Variants in TENT4B observed in about 807,000 individuals in gnomAD.
TENT4B encodes terminal nucleotidyltransferase 4B, also known as PAP associated domain containing 5.
A neutral mutation model predicts 75.0 loss-of-function variants in TENT4B; 10 were observed. The ratio of observed to expected loss-of-function variants is 0.13; its 90% confidence interval spans 0.08 to 0.23. The LOEUF (loss-of-function observed/expected upper bound fraction) is 0.23, where lower values mean the gene tolerates loss of function less well. TENT4B is among the 10% of genes least tolerant of loss of function. TENT4B has a pLI of 1.00. For synonymous variants in TENT4B, 350 were observed against 357.7 expected (o/e 0.98, Z 0.24); for missense variants, 579 against 893.8 (o/e 0.65, Z 4.49).
chr16:50,196,774 A>G (rs901715247), intron 1 of TENT4B, among the ~76,000 whole-genome samples: 2 of 151,890 alleles, frequency 1.3e-5, no homozygotes, highest in African/African-American at 4.8e-5. Context: ...AAAAAAAAAA[A>G]AAATAGACAA....
intron 1 of TENT4B, among the ~76,000 whole-genome samples, chr16:50,161,992 A>T (rs2038011766): frequency 6.6e-6 from 1 of 152,096 alleles, no homozygotes; most frequent in Non-Finnish European, 1.5e-5. Flanking sequence ...TCCAGCAACC[A>T]CTAATCTGTT....
chr16:50,179,593 C>G (rs2038373921), intron 1 of TENT4B, among the ~76,000 whole-genome samples: 1 of 152,170 alleles, frequency 6.6e-6, no homozygotes, highest in African/African-American at 2.4e-5. Context: ...GTAAGGACCA[C>G]TCTGCTTATT....
chr16:50,153,840 C>T lies in TENT4B; in HGVS notation c.219C>T (p.Ala73=). The T allele has an allele frequency of 7.8e-7, 1 of 1,274,466 alleles. No individual in the cohort carries two copies. The highest frequency in any genetic ancestry group is 9.8e-7 in the Non-Finnish European group (1 of 1,015,978). 78.9% of individuals were successfully genotyped at this position (1,274,466 alleles called of 1,614,324 possible). ...GSSTGSPGGA[A]SAPAPAPAGM... ...GCACCGGCAGCCCCGGCGGCGCGGC[C>T]TCGGCCCCGGCCCCGGCCCCGGCCG... The change falls in exon 1 of 12, where the codon GCC becomes GCT. Residue 73 remains alanine, a synonymous_variant. Coordinates refer to ENST00000561678, the MANE Select transcript of TENT4B (RefSeq NM_001365324.3).
In TENT4B at chr16:50,216,343, T is replaced by A. The variant is rs1033776417; in HGVS notation, c.930+148T>A. ...CACCGTGCTTGCACATAAAAAGTTT[T>A]CTGGTTGTCCACACTGGAGTGTGAC... On this transcript the variant is annotated intron_variant, in intron 4 of 11. Transcript: ENST00000561678. 5 of 1,034,020 alleles carry A rather than the reference T, an allele frequency of 4.8e-6. No homozygotes were observed. The Admixed American group carries it at 9.5e-5, about 20-fold the overall frequency. 64.1% of individuals were successfully genotyped at this position (1,034,020 alleles called of 1,614,324 possible).
intron 1 of TENT4B, among the ~76,000 whole-genome samples, chr16:50,168,677 G>A (rs541720317): frequency 1.2e-3 from 185 of 149,358 alleles, no homozygotes; most frequent in African/African-American, 4.3e-3. Flanking sequence ...ACAGAGTCTC[G>A]CTCTGTCACC....
intron 1 of TENT4B, among the ~76,000 whole-genome samples, chr16:50,159,351 TCTC>T (rs1183595153): frequency 6.6e-6 from 1 of 151,722 alleles, no homozygotes; most frequent in East Asian, 1.9e-4. Flanking sequence ...TTCAAGCAAT[TCTC>T]CTGCCTCAGC....
In TENT4B at chr16:50,225,156, A is replaced by C. The variant is rs1437435571; in HGVS notation, c.1671A>C (p.Leu557=). 1 of 1,613,458 alleles carries C rather than the reference A, an allele frequency of 6.2e-7. No individual in the cohort carries two copies. Among genetic ancestry groups the C allele is most frequent in the African/African-American group, 1.3e-5 (1 of 75,056 alleles). ...TQQLDKCNNN[L]SEENEALGKC... is the part of the protein sequence containing the mutation. Reference sequence around the variant, plus strand: ...AGTTAGATAAATGTAATAATAATCTATCTGAAGAAAATGAAGCCCTTGGAA... The same window carrying C: ...AGTTAGATAAATGTAATAATAATCTCTCTGAAGAAAATGAAGCCCTTGGAA... The change falls in exon 10 of 12, where the codon CTA becomes CTC. Residue 557 remains leucine (L), a synonymous_variant. Coordinates refer to ENST00000561678, the MANE Select transcript of TENT4B (RefSeq NM_001365324.3).
intron 1 of TENT4B, among the ~76,000 whole-genome samples, chr16:50,160,883 C>G (rs891471521): frequency 6.6e-6 from 1 of 152,210 alleles, no homozygotes; most frequent in African/African-American, 2.4e-5. Flanking sequence ...ATCACACCCA[C>G]AACACTAGAG....
chr16:50,231,659 T>C lies in TENT4B; in HGVS notation c.*2331T>C. 1 of 985,872 alleles carries C rather than the reference T, an allele frequency of 1.0e-6. No homozygotes were observed. Among genetic ancestry groups the C allele is most frequent in the Non-Finnish European group, 1.2e-6 (1 of 829,926 alleles). 61.1% of individuals were successfully genotyped at this position (985,872 alleles called of 1,614,324 possible). A position where few individuals can be genotyped will look rare whatever the true frequency, so the allele number is the denominator to read the frequency against. ...GTTTTTCCTGTACTGCTGAAGTTTCTTTTTGGTAAACAGTATCTTTCTAAA... is the reference window on the plus strand; with the variant it reads ...GTTTTTCCTGTACTGCTGAAGTTTCCTTTTGGTAAACAGTATCTTTCTAAA... On this transcript the variant is annotated 3_prime_UTR_variant, in exon 12 of 12. Transcript: ENST00000561678.
intron 5 of TENT4B, among the ~76,000 whole-genome samples, chr16:50,218,202 G>A (rs778388950): frequency 1.3e-5 from 2 of 152,148 alleles, no homozygotes; most frequent in Non-Finnish European, 2.9e-5. Flanking sequence ...CTTCCTTGTA[G>A]AGACAGAAGA....
intron 1 of TENT4B, among the ~76,000 whole-genome samples, chr16:50,156,064 A>G (rs1350783994): frequency 6.6e-6 from 1 of 152,084 alleles, no homozygotes; most frequent in Non-Finnish European, 1.5e-5. Context: ...CCTGATTCAA[A>G]TATATTGCCC....
intron 11 of TENT4B, among the ~76,000 whole-genome samples, chr16:50,228,769 C>T (rs1459671297): frequency 6.6e-6 from 1 of 152,184 alleles, no homozygotes; most frequent in Non-Finnish European, 1.5e-5. Flanking sequence ...CCATGAGTAG[C>T]AGGAAGGGAG....
At chr16:50,223,943 G>T (rs954266425) in intron 7 of TENT4B, among the ~76,000 whole-genome samples, 1 of 152,044 alleles carries the variant, frequency 6.6e-6, no homozygotes, top group Non-Finnish European at 1.5e-5. Flanking sequence ...CTGAAGTTCT[G>T]TTTGCTTGCT....
chr16:50,200,163 C>T lies in TENT4B; in HGVS notation c.639-11160C>T, dbSNP rs559268883. On this transcript the variant is annotated intron_variant, in intron 1 of 11. Coordinates refer to ENST00000561678, the MANE Select transcript of TENT4B (RefSeq NM_001365324.3). ...GGAGGATCCCTTGAAGCCAGGAGTT[C>T]GAGACTAGCCTGGGCAACATAGTGA... Among the ~76,000 whole-genome samples, 288 of 151,970 alleles carry T rather than the reference C, an allele frequency of 1.9e-3. 2 individuals are homozygous for T. Among genetic ancestry groups the T allele is most frequent in the African/African-American group, 5.9e-3 (246 of 41,486 alleles).
intron 1 of TENT4B, among the ~76,000 whole-genome samples, chr16:50,169,202 T>C (rs578009397): frequency 9.2e-5 from 14 of 152,262 alleles, no homozygotes; most frequent in East Asian, 5.8e-4. Context: ...TTTATAGATT[T>C]CTCTGCTGTC....
At chr16:50,205,581 T>C in intron 1 of TENT4B, among the ~76,000 whole-genome samples, 1 of 90,720 alleles carries the variant, frequency 1.1e-5, no homozygotes, top group Non-Finnish European at 2.1e-5. Context: ...TTTTTTTTTT[T>C]TTTTTTTTTT....
chr16:50,199,644 T>G (rs553183382), intron 1 of TENT4B, among the ~76,000 whole-genome samples: 13 of 152,230 alleles, frequency 8.5e-5, no homozygotes, highest in African/African-American at 3.1e-4. Context: ...TCAGATTGGC[T>G]TCTTTTACGT....
chr16:50,188,790 C>T (rs2038584482), intron 1 of TENT4B, among the ~76,000 whole-genome samples: 1 of 152,110 alleles, frequency 6.6e-6, no homozygotes, highest in African/African-American at 2.4e-5. Context: ...ACTTTGAGGG[C>T]TGTAGTGAGC....
Position 50,233,135 on chromosome 16 carries a change from AGTT to A in TENT4B, c.*3808_*3810del. ...ATTGAATATAAAAGTTATATTTAGTAGTTACTGTTGATAGTAATTTTCATCAGG... is the reference window on the plus strand; with the variant it reads ...ATTGAATATAAAAGTTATATTTAGTAACTGTTGATAGTAATTTTCATCAGG... On this transcript the variant is annotated 3_prime_UTR_variant, in exon 12 of 12. Coordinates refer to ENST00000561678, the MANE Select transcript of TENT4B (RefSeq NM_001365324.3). The A allele has an allele frequency of 1.0e-6, 1 of 982,098 alleles. No homozygotes were observed. Among genetic ancestry groups the A allele is most frequent in the Non-Finnish European group, 1.2e-6 (1 of 826,868 alleles). The allele number at this position is 982,098 out of a possible 1,614,324, so 60.8% of individuals were successfully genotyped here.
Sources: allele counts gnomAD v4.1 joint callset (sites outside exome capture counted in the v4.1 genomes callset), GRCh38; gene constraint gnomAD v4.1.1; transcripts MANE v1.5; gene names NCBI Gene and HGNC (gene_info 2026-07-23, HGNC 2026-07-21).